KSR2: variants seen among roughly 807,000 people sequenced by gnomAD.
KSR2 encodes kinase suppressor of ras 2.
In KSR2, 25 loss-of-function variants were observed where a neutral mutation model predicts 107.8. The observed-to-expected ratio is 0.23, with a 90% CI of 0.17 to 0.32. The LOEUF (loss-of-function observed/expected upper bound fraction) is 0.32. KSR2 is among the 10% of genes least tolerant of loss of function. The probability of loss-of-function intolerance (pLI) is 1.00; values close to 1 mark genes in which losing one functional copy is unlikely to be tolerated. For missense variants in KSR2, 887 were observed against 1,268.9 expected (o/e 0.70, Z 4.57); for synonymous variants, 480 against 507.0 (o/e 0.95, Z 0.71).
chr12:117,772,016 T>A (rs111871174), intron 3 of KSR2, among the ~76,000 whole-genome samples: 1 of 126,544 alleles, frequency 7.9e-6, no homozygotes, highest in African/African-American at 3.1e-5. Context: ...AAACACACAC[T>A]CACACATACA....
intron 14 of KSR2, among the ~76,000 whole-genome samples, chr12:117,487,279 T>G (rs941090516): frequency 6.6e-5 from 10 of 152,238 alleles, no homozygotes; most frequent in African/African-American, 2.2e-4. Context: ...TGTCCACCCA[T>G]CCGTATACTA....
intron 5 of KSR2, among the ~76,000 whole-genome samples, chr12:117,626,510 C>T (rs1023190273): frequency 6.6e-6 from 1 of 152,268 alleles, no homozygotes; most frequent in East Asian, 1.9e-4. Flanking sequence ...TGTAGTTGTG[C>T]AGTTTTGAGT....
chr12:117,653,066 G>A (rs914502752), intron 5 of KSR2, among the ~76,000 whole-genome samples: 1 of 152,252 alleles, frequency 6.6e-6, no homozygotes, highest in Non-Finnish European at 1.5e-5. Flanking sequence ...TGGAGGGATT[G>A]TGGAGATTAG....
At chr12:117,742,932 T>C (rs914748500) in intron 4 of KSR2, among the ~76,000 whole-genome samples, 3 of 152,312 alleles carry the variant, frequency 2.0e-5, no homozygotes, top group Admixed American at 6.5e-5. Context: ...GGTCAGGATG[T>C]GAGTGATAAA....
At chr12:117,589,581 A>G (rs1880203008) in intron 5 of KSR2, among the ~76,000 whole-genome samples, 1 of 152,234 alleles carries the variant, frequency 6.6e-6, no homozygotes, top group Non-Finnish European at 1.5e-5. Context: ...CCTAAAGGTA[A>G]CTGAAACTAA....
chr12:117,942,882 G>A (rs1321793643), intron 1 of KSR2, among the ~76,000 whole-genome samples: 1 of 152,054 alleles, frequency 6.6e-6, no homozygotes, highest in Non-Finnish European at 1.5e-5. Flanking sequence ...TTATGAGAGC[G>A]AAAAACTAGA....
At chr12:117,732,042 A>C (rs527739144) in intron 4 of KSR2, among the ~76,000 whole-genome samples, 1 of 42,510 alleles carries the variant, frequency 2.4e-5, no homozygotes, top group Non-Finnish European at 5.7e-5. Flanking sequence ...AAATACTATT[A>C]AAAAAAAAAG....
chr12:117,474,609 T>A (rs1217683899), intron 17 of KSR2, among the ~76,000 whole-genome samples: 1 of 152,174 alleles, frequency 6.6e-6, no homozygotes, highest in Non-Finnish European at 1.5e-5. Context: ...AGGATTTGCA[T>A]GGCCATGGGA....
At position 117,632,218 on chromosome 12, in the gene KSR2, C is replaced by CTTTT. The variant is rs544594793; in HGVS notation, c.1171+35252_1171+35255dup. Among the ~76,000 whole-genome samples, 322 of 84,056 alleles carry CTTTT rather than the reference C, an allele frequency of 3.8e-3. 3 individuals are homozygous for CTTTT. Among genetic ancestry groups the CTTTT allele is most frequent in the Non-Finnish European group, 4.3e-3 (201 of 47,050 alleles). The allele number at this position is 84,056 out of a possible 152,430, so 55.1% of individuals were successfully genotyped here. On this transcript the variant is annotated intron_variant, in intron 5 of 19. Transcript: ENST00000339824. ...AATGCTTATGGCTCTAGTCCTACTC[C>CTTTT]TTTTTTTTTTTTTTTTTTTTTTTTG...
intron 1 of KSR2, among the ~76,000 whole-genome samples, chr12:117,861,490 G>A (rs910041550): frequency 1.4e-5 from 2 of 141,638 alleles, no homozygotes; most frequent in South Asian, 2.4e-4. Flanking sequence ...CCGGGTTCAC[G>A]CCATTCTCCT....
At chr12:117,856,674 A>C (rs1164186542) in intron 2 of KSR2, among the ~76,000 whole-genome samples, 5 of 151,986 alleles carry the variant, frequency 3.3e-5, no homozygotes, top group Non-Finnish European at 7.4e-5. Flanking sequence ...ACAGGGTTTC[A>C]CCATGTTGGC....
intron 3 of KSR2, among the ~76,000 whole-genome samples, chr12:117,847,647 T>C (rs986988030): frequency 2.6e-5 from 4 of 152,248 alleles, no homozygotes; most frequent in African/African-American, 9.6e-5. Flanking sequence ...CAGCCTACCC[T>C]GCTTACTCTG....
intron 1 of KSR2, among the ~76,000 whole-genome samples, chr12:117,927,067 A>T (rs1445969698): frequency 6.6e-6 from 1 of 152,024 alleles, no homozygotes; most frequent in African/African-American, 2.4e-5. Context: ...GTCATTATAT[A>T]ATTTTTTTAA....
Position 117,729,926 on chromosome 12 carries a change from T to C in KSR2, c.986+31085A>G, listed in dbSNP as rs550254419. 1.4e-4 allele frequency among the ~76,000 whole-genome samples: 21 copies of C among 152,312 alleles called. No individual in the cohort carries two copies. The South Asian group carries it at 4.4e-3, about 32-fold the overall frequency. ...GCAGCGTAGCACTGATGATCATGAC[T>C]TCAGCCTCTGGGTCCAAGGAACCTA... On this transcript the variant is annotated intron_variant, in intron 4 of 19. Transcript: ENST00000339824.
chr12:117,550,201 T>A (rs1309386374), intron 9 of KSR2, among the ~76,000 whole-genome samples: 1 of 152,074 alleles, frequency 6.6e-6, no homozygotes, highest in Non-Finnish European at 1.5e-5. Flanking sequence ...CCTCCTGGAG[T>A]CACACAGAGC....
chr12:117,909,263 T>C (rs1894946736), intron 1 of KSR2, among the ~76,000 whole-genome samples: 1 of 152,264 alleles, frequency 6.6e-6, no homozygotes, highest in Non-Finnish European at 1.5e-5. Flanking sequence ...TGAACATCAC[T>C]TCACTACCCC....
chr12:117,755,419 CATTATT>C (rs1020143553), intron 4 of KSR2, among the ~76,000 whole-genome samples: 3 of 152,138 alleles, frequency 2.0e-5, no homozygotes, highest in African/African-American at 7.2e-5. Flanking sequence ...CTAACTTTTT[CATTATT>C]ATTATATCTG....
chr12:117,556,948 C>A (rs1877743783), intron 8 of KSR2, among the ~76,000 whole-genome samples: 1 of 152,100 alleles, frequency 6.6e-6, no homozygotes, highest in African/African-American at 2.4e-5. Flanking sequence ...GGGTGGATCA[C>A]CAGGTCAGGA....
chr12:117,593,129 G>A (rs1433383309), intron 5 of KSR2, among the ~76,000 whole-genome samples: 1 of 152,160 alleles, frequency 6.6e-6, no homozygotes, highest in East Asian at 1.9e-4. Flanking sequence ...GGCTAGCGGT[G>A]CAGAGCCATC....
Sources: gnomAD v4.1 joint callset for allele counts (sites outside exome capture counted in the v4.1 genomes callset) on GRCh38, gnomAD v4.1.1 for gene constraint, MANE v1.5 for transcripts, NCBI Gene and HGNC (gene_info 2026-07-23, HGNC 2026-07-21) for gene names.